Variants in SPAG6 observed in about 807,000 individuals in gnomAD.
SPAG6 encodes sperm associated antigen 6.
Under a neutral mutation model 58.5 loss-of-function variants are expected in SPAG6, and 49 were observed. The ratio of observed to expected loss-of-function variants is 0.84; its 90% confidence interval spans 0.67 to 1.06. The LOEUF (loss-of-function observed/expected upper bound fraction) is 1.06, where lower values mean the gene tolerates loss of function less well. Among genes scored for constraint, SPAG6 ranks in the 50% least tolerant of loss-of-function variants. SPAG6 has a pLI of 0.00. For synonymous variants in SPAG6, 233 were observed against 225.6 expected (o/e 1.03, Z -0.29); for missense variants, 560 against 611.3 (o/e 0.92, Z 0.89).
At chr10:22,367,650 T>C (rs1370438639) in intron 3 of SPAG6, among the ~76,000 whole-genome samples, 1 of 152,182 alleles carries the variant, frequency 6.6e-6, no homozygotes, top group East Asian at 1.9e-4. Context: ...TGTGTCATTA[T>C]GCTAACCATA....
chr10:22,411,211 G>T, intron 10 of SPAG6, 35 bp downstream of exon 10: 1 of 1,561,028 alleles, frequency 6.4e-7, no homozygotes, highest in Admixed American at 1.9e-5. Flanking sequence ...TTCAATATTA[G>T]AATGTAGTTT....
Position 22,391,899 on chromosome 10 carries a change from T to C in SPAG6, c.1176T>C (p.Ser392=). ...TTTCTTTGTACATGTCAACAGAAAG[T>C]TCTGAGGATCTCCAAGTAAAAGTAA... ...VLLSLYMSTE[S]SEDLQVKSKK... Residue 392 remains serine (S), a synonymous_variant, in exon 8 of 11, where the codon AGT becomes AGC. Coordinates refer to ENST00000376624, the MANE Select transcript of SPAG6 (RefSeq NM_012443.4). 1 of 1,612,322 alleles carries C rather than the reference T, an allele frequency of 6.2e-7. No homozygotes were observed. The highest frequency in any genetic ancestry group is 8.5e-7 in the Non-Finnish European group (1 of 1,179,224).
At position 22,345,535 on chromosome 10, in the gene SPAG6, A is replaced by T; in HGVS notation, c.-77A>T. The stretch of plus-strand genomic sequence containing the variant: ...CGTCGGAGGCCGAGTCGTCGCCACG[A>T]TCGCCCCCTTGGTGGACTCGCAGGC... On this transcript the variant is annotated 5_prime_UTR_variant, in exon 1 of 11. Coordinates refer to ENST00000376624, the MANE Select transcript of SPAG6 (RefSeq NM_012443.4). This position sits in a 1 kb window ranked among gnomAD's most constrained non-coding sequence, Gnocchi z 6.3. The T allele has an allele frequency of 7.7e-7, 1 of 1,290,742 alleles. No homozygotes were observed. The allele number at this position is 1,290,742 out of a possible 1,614,324, so 80.0% of individuals were successfully genotyped here.
intron 4 of SPAG6, 41 bp downstream of exon 4, chr10:22,368,719 A>C: frequency 6.7e-7 from 1 of 1,485,050 alleles, no homozygotes; most frequent in Non-Finnish European, 9.3e-7. Context: ...AAATAGGATT[A>C]TTACAATTCA....
intron 3 of SPAG6, among the ~76,000 whole-genome samples, chr10:22,367,590 G>C (rs902106719): frequency 6.6e-6 from 1 of 152,112 alleles, no homozygotes; most frequent in Non-Finnish European, 1.5e-5. Context: ...ATGTAAAATA[G>C]GGGTTTAATT....
chr10:22,358,211 A>G (rs1338209448), intron 2 of SPAG6, among the ~76,000 whole-genome samples: 2 of 152,126 alleles, frequency 1.3e-5, no homozygotes, highest in Non-Finnish European at 2.9e-5. Flanking sequence ...ACAGTGTAAA[A>G]GTGTTCCTAT....
chr10:22,355,223 C>T (rs143020033), intron 2 of SPAG6, among the ~76,000 whole-genome samples: 24 of 152,196 alleles, frequency 1.6e-4, no homozygotes, highest in African/African-American at 4.6e-4. Context: ...AGCATAGACG[C>T]GAGCCATGAA....
chr10:22,361,622 G>A (rs1428576702), intron 2 of SPAG6, among the ~76,000 whole-genome samples: 1 of 152,140 alleles, frequency 6.6e-6, no homozygotes, highest in Non-Finnish European at 1.5e-5. Context: ...CTGGAACCTG[G>A]AAGGCAGAGA....
intron 9 of SPAG6, among the ~76,000 whole-genome samples, chr10:22,401,997 G>C (rs1834425426): frequency 6.6e-6 from 1 of 152,146 alleles, no homozygotes; most frequent in East Asian, 1.9e-4. Context: ...AGCCCATGGT[G>C]GTTATGAGCT....
Position 22,389,270 on chromosome 10 carries a change from A to T in SPAG6, c.963A>T (p.Ala321=). 1.2e-6 allele frequency: 2 copies of T among 1,612,716 alleles called. No individual in the cohort carries two copies. The highest frequency in any genetic ancestry group is 1.7e-6 in the Non-Finnish European group (2 of 1,179,714). The change falls in exon 7 of 11, where the codon GCA becomes GCT. Residue 321 remains alanine, a synonymous_variant. Transcript: ENST00000376624. ...LPGIMMLGYV[A]AHSENLAMAV... Reference sequence around the variant, plus strand: ...GCATCATGATGCTTGGTTATGTAGCAGCTCATTCTGAGAACCTAGCAATGG... The same window carrying T: ...GCATCATGATGCTTGGTTATGTAGCTGCTCATTCTGAGAACCTAGCAATGG...
At position 22,345,976 on chromosome 10, in the gene SPAG6, C is replaced by T. The variant is rs770341063; in HGVS notation, c.121+158C>T. 3.9e-6 allele frequency: 6 copies of T among 1,549,374 alleles called. No homozygotes were observed. Among genetic ancestry groups the T allele is most frequent in the South Asian group, 3.6e-5 (3 of 83,272 alleles). ...TTCAGCGGGTCTTTGGGGGTCAGGC[C>T]GAGAGGGTGAAGCTTCCAGATGGTT... On this transcript the variant is annotated intron_variant, in intron 2 of 10. Transcript: ENST00000376624. The surrounding 1 kb of genome is among the most constrained non-coding windows in gnomAD (Gnocchi z 6.3).
At chr10:22,358,154 C>T (rs1261904784) in intron 2 of SPAG6, among the ~76,000 whole-genome samples, 2 of 152,094 alleles carry the variant, frequency 1.3e-5, no homozygotes, top group East Asian at 1.9e-4. Flanking sequence ...CCTGAGGAAT[C>T]GCCACACTGA....
At chr10:22,346,083 G>C (rs1308531064) in intron 2 of SPAG6, 1 of 1,506,770 alleles carries the variant, frequency 6.6e-7, no homozygotes, top group East Asian at 2.7e-5. Flanking sequence ...CCTAGGAATT[G>C]CCTGGAGTCA....
At chr10:22,352,799 G>T (rs561029661) in intron 2 of SPAG6, among the ~76,000 whole-genome samples, 1 of 152,032 alleles carries the variant, frequency 6.6e-6, no homozygotes, top group African/African-American at 2.4e-5. Flanking sequence ...ATGAGCCACC[G>T]CACCCAGCAA....
chr10:22,386,722 T>C (rs750820148), intron 4 of SPAG6, 32 bp from the exon 5 acceptor site: 1 of 1,573,106 alleles, frequency 6.4e-7, no homozygotes. Flanking sequence ...CAGTCACCCA[T>C]ACTCACTTAA....
rs749967665 is a variant in SPAG6 at position 22,391,834 on chromosome 10, G to A, written c.1111G>A (p.Ala371Thr). 7 of 1,613,296 alleles carry A rather than the reference G, an allele frequency of 4.3e-6. No individual in the cohort carries two copies. In the South Asian group the frequency reaches 4.4e-5, roughly 10 times the overall value. Residue 371 changes from alanine (A) to threonine (T), a missense_variant, in exon 8 of 11, where the codon GCA (alanine) becomes ACA (threonine). Ala to Thr is a moderately conservative substitution (Grantham distance 58). Coordinates refer to ENST00000376624, the MANE Select transcript of SPAG6 (RefSeq NM_012443.4). The part of the protein sequence containing the change: ...GQIGRHTPEH[A>T]RAVAVTNTLP... ...GATTGGAAGACACACTCCTGAACACGCACGGGCTGTTGCAGTCACAAATAC... is the reference window on the plus strand; with the variant it reads ...GATTGGAAGACACACTCCTGAACACACACGGGCTGTTGCAGTCACAAATAC...
At chr10:22,397,429 C>T (rs1834322093) in intron 8 of SPAG6, among the ~76,000 whole-genome samples, 1 of 152,184 alleles carries the variant, frequency 6.6e-6, no homozygotes, top group African/African-American at 2.4e-5. Flanking sequence ...TCTTGTGCCT[C>T]AGCCTCCTGA....
chr10:22,394,962 G>C (rs1354422416), intron 8 of SPAG6, among the ~76,000 whole-genome samples: 1 of 151,978 alleles, frequency 6.6e-6, no homozygotes, highest in Admixed American at 6.6e-5. Flanking sequence ...CCCCCACCTT[G>C]ACCTCCCAAA....
chr10:22,350,190 AGATAGGGATAGAGAGGTTT>A (rs1437068516), intron 2 of SPAG6, among the ~76,000 whole-genome samples: 3 of 152,282 alleles, frequency 2.0e-5, no homozygotes, highest in African/African-American at 7.2e-5. Flanking sequence ...TCTTCTTAAA[AGATAGGGATAGAGAGGTTT>A]GCTACATATG....
Sources: allele counts gnomAD v4.1 joint callset (sites outside exome capture counted in the v4.1 genomes callset), GRCh38; gene constraint gnomAD v4.1.1; non-coding constraint Gnocchi (gnomAD v3.1); transcripts MANE v1.5; gene names NCBI Gene and HGNC (gene_info 2026-07-23, HGNC 2026-07-21).